Variants in COL4A2 observed in about 807,000 individuals in gnomAD.
COL4A2 encodes the protein collagen alpha-2(IV) chain.
In COL4A2, 99 loss-of-function variants were observed where a neutral mutation model predicts 200.2. That is an observed-to-expected ratio of 0.49 (90% confidence interval 0.42 to 0.58). The LOEUF is 0.58. Ranked by LOEUF, COL4A2 falls within the 20% of genes least tolerant of loss-of-function variation. The pLI is 0.00. For missense variants in COL4A2, 1,950 were observed against 2,314.1 expected (o/e 0.84, Z 3.23); for synonymous variants, 897 against 900.6 (o/e 1.00, Z 0.07).
chr13:110,379,834 T>A (rs2139409498), intron 4 of COL4A2, among the ~76,000 whole-genome samples: 1 of 152,268 alleles, frequency 6.6e-6, no homozygotes, highest in Middle Eastern at 3.4e-3. Context: ...GGGTCCCTTG[T>A]CATTATTTGG....
At position 110,434,386 on chromosome 13, in the gene COL4A2, T is replaced by G. The variant is rs747591586; in HGVS notation, c.685-15T>G. ...TTGGCTTTTTAAAACTTACAGAAAT[T>G]ATTTATCTTTTCAGGGCAACAGAGG... On this transcript the variant is annotated splice_polypyrimidine_tract_variant and intron_variant, in intron 11 of 47. Coordinates refer to ENST00000360467, the MANE Select transcript of COL4A2 (RefSeq NM_001846.4). 1 of 1,608,256 alleles carries G rather than the reference T, an allele frequency of 6.2e-7. No homozygotes were observed. Among genetic ancestry groups the G allele is most frequent in the East Asian group, 2.2e-5 (1 of 44,860 alleles).
In COL4A2 at chr13:110,424,749, G is replaced by A; in HGVS notation, c.196G>A (p.Val66Met). 2 of 1,609,228 alleles carry A rather than the reference G, an allele frequency of 1.2e-6. No individual in the cohort carries two copies. Among genetic ancestry groups the A allele is most frequent in the Middle Eastern group, 1.7e-4 (1 of 6,054 alleles). The stretch of plus-strand genomic sequence containing the variant: ...GTTCCCACAGGGTCAGCCTGGGCCA[G>A]TGGGCCCCCAGGGGTACAATGGGCC... ...EKGGRGQPGP[V>M]GPQGYNGPPG... is the part of the protein sequence containing the mutation. Residue 66 changes from valine (V) to methionine (M), a missense_variant, in exon 5 of 48, where the codon GTG (valine) becomes ATG (methionine). Val to Met is a conservative substitution (Grantham distance 21, BLOSUM62 1). Transcript: ENST00000360467.
rs1566555498 is a variant in COL4A2, at chr13:110,474,841, G to GTA, written c.2425+1691_2425+1692insTA. 2.6e-4 allele frequency among the ~76,000 whole-genome samples: 36 copies of GTA among 139,482 alleles called. 3 individuals are homozygous for GTA. Among genetic ancestry groups the GTA allele is most frequent in the Non-Finnish European group, 3.0e-4 (20 of 65,714 alleles). 91.5% of individuals were successfully genotyped at this position (139,482 alleles called of 152,430 possible). ...TGCACGTACCCACACACGTGCCTGT[G>GTA]CATGCTCAAACATGATCACACACTC... On this transcript the variant is annotated intron_variant, in intron 29 of 47. Transcript: ENST00000360467.
chr13:110,321,630 A>G (rs746629946), intron 3 of COL4A2, among the ~76,000 whole-genome samples: 2 of 152,202 alleles, frequency 1.3e-5, no homozygotes, highest in African/African-American at 2.4e-5. Context: ...TCCTTGTATT[A>G]GTCCATGTTC....
chr13:110,512,388 G>C lies in COL4A2; in HGVS notation c.*197G>C. On this transcript the variant is annotated 3_prime_UTR_variant, in exon 48 of 48. Coordinates refer to ENST00000360467, the MANE Select transcript of COL4A2 (RefSeq NM_001846.4). ...AGCACTCGGGGTCCCTGGAGGGCAA[G>C]CCCTGCCCACAGAAAGCCAGGAGCA... 2.2e-6 allele frequency: 2 copies of C among 919,064 alleles called. No individual in the cohort carries two copies. The highest frequency in any genetic ancestry group is 3.2e-6 in the Non-Finnish European group (2 of 632,418). 56.9% of individuals were successfully genotyped at this position (919,064 alleles called of 1,614,324 possible).
intron 4 of COL4A2, among the ~76,000 whole-genome samples, chr13:110,376,085 A>G (rs1459815671): frequency 6.6e-6 from 1 of 152,166 alleles, no homozygotes. Flanking sequence ...TTGCTAAGGA[A>G]AGAACTATCT....
At chr13:110,410,234 G>A (rs548865040) in intron 4 of COL4A2, among the ~76,000 whole-genome samples, 7 of 152,328 alleles carry the variant, frequency 4.6e-5, no homozygotes, top group South Asian at 4.1e-4. Flanking sequence ...CGTGGGCCAC[G>A]TCCCCTGTCC....
intron 28 of COL4A2, among the ~76,000 whole-genome samples, chr13:110,471,103 T>C (rs1882453493): frequency 6.6e-6 from 1 of 152,236 alleles, no homozygotes; most frequent in South Asian, 2.1e-4. Flanking sequence ...ATTTCATATA[T>C]ACTAAGTTTA....
chr13:110,433,234 C>T (rs990361812), intron 11 of COL4A2, among the ~76,000 whole-genome samples: 7 of 152,238 alleles, frequency 4.6e-5, no homozygotes, highest in South Asian at 2.1e-4. Context: ...GACGCCCCAC[C>T]GCCTGGCAGC....
chr13:110,383,384 T>A (rs748593252), intron 4 of COL4A2, among the ~76,000 whole-genome samples: 2 of 152,232 alleles, frequency 1.3e-5, no homozygotes, highest in African/African-American at 2.4e-5. Flanking sequence ...CTTTAAGGGT[T>A]GATGGATTCA....
chr13:110,329,060 T>A (rs565172697), intron 3 of COL4A2, among the ~76,000 whole-genome samples: 1 of 152,296 alleles, frequency 6.6e-6, no homozygotes, highest in African/African-American at 2.4e-5. Flanking sequence ...CTTCTTCTAT[T>A]TTAGCACAAT....
Position 110,473,121 on chromosome 13 carries a change from C to T in COL4A2, c.2396C>T (p.Pro799Leu). ...GGACAGCCTGGGCTTAAAGGCCTTC[C>T]CGGAGACAGAGGCCCCCCTGGATTC... ...VPGQPGLKGL[P>L]GDRGPPGFRG... Residue 799 changes from proline (P) to leucine (L), a missense_variant, in exon 29 of 48, where the codon CCC becomes CTC. Around this residue, in one of 2 missense-constraint regions of COL4A2, gnomAD observed 1,385 missense variants for 1,720.5 expected, o/e 0.80. Transcript: ENST00000360467. 6.4e-7 allele frequency: 1 copy of T among 1,561,672 alleles called. No individual in the cohort carries two copies. Among genetic ancestry groups the T allele is most frequent in the Non-Finnish European group, 8.7e-7 (1 of 1,153,256 alleles).
intron 20 of COL4A2, chr13:110,456,362 A>G (rs1306074618): frequency 4.6e-5 from 13 of 281,254 alleles, no homozygotes; most frequent in Non-Finnish European, 8.2e-5. Flanking sequence ...GTGTGCCCCC[A>G]TTCCCATATC....
intron 10 of COL4A2, 146 bp downstream of exon 10, chr13:110,430,753 C>T (rs750148617): frequency 7.2e-6 from 8 of 1,117,396 alleles, no homozygotes; most frequent in Admixed American, 1.7e-5. Context: ...CAAGACAAAA[C>T]GGACCATTCC....
chr13:110,381,507 T>A (rs1286846039), intron 4 of COL4A2, among the ~76,000 whole-genome samples: 1 of 152,248 alleles, frequency 6.6e-6, no homozygotes, highest in African/African-American at 2.4e-5. Context: ...CAACTTAGGC[T>A]GTGCATCTTT....
chr13:110,493,826 G>A (rs1029343332), intron 39 of COL4A2, among the ~76,000 whole-genome samples: 2 of 151,880 alleles, frequency 1.3e-5, no homozygotes, highest in African/African-American at 2.4e-5. Context: ...TTCTGGGGGG[G>A]GCCGCGTCCT....
chr13:110,476,366 C>T (rs546708014), intron 29 of COL4A2, among the ~76,000 whole-genome samples: 1 of 152,330 alleles, frequency 6.6e-6, no homozygotes, highest in African/African-American at 2.4e-5. Context: ...CACAGTACTA[C>T]AGGAGGAGGT....
chr13:110,486,829 G>A (rs1471664837), intron 34 of COL4A2, among the ~76,000 whole-genome samples: 62 of 152,252 alleles, frequency 4.1e-4, no homozygotes, highest in Non-Finnish European at 4.4e-5. Flanking sequence ...GCCAGGCTGA[G>A]CCAGGAGAAG....
In COL4A2 at chr13:110,508,658, A is replaced by T. The variant is rs1468896429; in HGVS notation, c.4881+437A>T. Among the ~76,000 whole-genome samples, 1 of 152,218 alleles carries T rather than the reference A, an allele frequency of 6.6e-6. No individual in the cohort carries two copies. The highest frequency in any genetic ancestry group is 1.5e-5 in the Non-Finnish European group (1 of 68,050). On this transcript the variant is annotated intron_variant, in intron 47 of 47. Coordinates refer to ENST00000360467, the MANE Select transcript of COL4A2 (RefSeq NM_001846.4). This position sits in a 1 kb window ranked among gnomAD's most constrained non-coding sequence, Gnocchi z 6.1. The stretch of plus-strand genomic sequence containing the variant: ...ATACCTATTAACTGGCTGGCTTAAA[A>T]TGGATATATATTCGTGAGGAAAATT...
Sources: gnomAD v4.1 joint callset for allele counts (sites outside exome capture counted in the v4.1 genomes callset) on GRCh38, gnomAD v4.1.1 for gene constraint, gnomAD v4.1.1 regional missense constraint, Gnocchi (gnomAD v3.1) non-coding constraint, MANE v1.5 for transcripts, NCBI Gene and HGNC (gene_info 2026-07-23, HGNC 2026-07-21) for gene names.